The following NLK variants were observed in gnomAD, a reference collection of about 807,000 sequenced individuals.
NLK encodes the protein nemo like kinase, also known as serine/threonine-protein kinase NLK.
In NLK, 11 loss-of-function variants were observed where a neutral mutation model predicts 59.0. That is an observed-to-expected ratio of 0.19 (90% CI 0.12 to 0.31). The LOEUF (loss-of-function observed/expected upper bound fraction) is 0.31. NLK is among the 10% of genes least tolerant of loss of function. NLK has a pLI of 1.00. For missense variants in NLK, 410 were observed against 661.1 expected (o/e 0.62, Z 4.16); for synonymous variants, 235 against 235.9 (o/e 1.00, Z 0.03).
At chr17:28,131,157 C>T (rs1906499317) in intron 2 of NLK, among the ~76,000 whole-genome samples, 1 of 152,004 alleles carries the variant, frequency 6.6e-6, no homozygotes, top group South Asian at 2.1e-4. Context: ...TTGGCTGAAA[C>T]AAGAATAACC....
intron 1 of NLK, among the ~76,000 whole-genome samples, chr17:28,097,494 A>C: frequency 6.6e-6 from 1 of 152,296 alleles, no homozygotes; most frequent in Middle Eastern, 3.4e-3. Context: ...TTGGTTAGGC[A>C]TGGTCCTTGT....
intron 1 of NLK, among the ~76,000 whole-genome samples, chr17:28,064,738 T>C (rs531282586): frequency 1.8e-4 from 27 of 152,314 alleles, no homozygotes; most frequent in Middle Eastern, 3.4e-3. Flanking sequence ...TAAGATAGTC[T>C]ACCTAGATTC....
intron 3 of NLK, among the ~76,000 whole-genome samples, chr17:28,146,290 G>C (rs1011807027): frequency 6.6e-6 from 1 of 152,044 alleles, no homozygotes; most frequent in Non-Finnish European, 1.5e-5. Context: ...AGGAATAAAT[G>C]AATTAATGTA....
At chr17:28,043,369 C>T (rs770321001) in intron 1 of NLK, 38 bp downstream of exon 1, 3 of 1,475,214 alleles carry the variant, frequency 2.0e-6, no homozygotes, top group Admixed American at 2.3e-5. Flanking sequence ...CTCATGGTTT[C>T]TTCTGTTGGT....
At chr17:28,181,768 T>G (rs974859722) in intron 7 of NLK, among the ~76,000 whole-genome samples, 6 of 151,828 alleles carry the variant, frequency 4.0e-5, no homozygotes, top group African/African-American at 1.5e-4. Flanking sequence ...CCCAGCACTT[T>G]GGGAGGCCGA....
chr17:28,093,811 A>G (rs1465539203), intron 1 of NLK, among the ~76,000 whole-genome samples: 5 of 152,188 alleles, frequency 3.3e-5, no homozygotes, highest in East Asian at 3.8e-4. Context: ...GACTCACCAT[A>G]TATTTCATTT....
downstream of NLK, among the ~76,000 whole-genome samples, chr17:28,198,333 C>G (rs548787554): frequency 6.6e-5 from 10 of 151,772 alleles, no homozygotes; most frequent in Non-Finnish European, 1.5e-4. Flanking sequence ...GTCAACTTCA[C>G]TAACTTTTTT....
At chr17:28,048,483 A>G (rs1290271708) in intron 1 of NLK, 4 of 152,218 alleles carry the variant, frequency 2.6e-5, no homozygotes, top group Non-Finnish European at 4.4e-5. Context: ...TTTAGCCATC[A>G]GTACCACTGG....
intron 6 of NLK, among the ~76,000 whole-genome samples, chr17:28,170,571 G>A (rs1908420952): frequency 6.6e-6 from 1 of 152,100 alleles, no homozygotes; most frequent in Non-Finnish European, 1.5e-5. Context: ...CTAATGTTGG[G>A]TACTTTTGAC....
chr17:28,104,499 C>A lies in NLK; in HGVS notation c.459-18104C>A, dbSNP rs187844932. ...TCGAACTCCTGACCTCGTGATCTGT[C>A]CACCTTGGCCACCTAAAGTGCTGGG... On this transcript the variant is annotated intron_variant, in intron 1 of 10. Transcript: ENST00000407008. 2.9e-3 allele frequency among the ~76,000 whole-genome samples: 434 copies of A among 152,222 alleles called. 4 individuals are homozygous for A. Among genetic ancestry groups the A allele is most frequent in the African/African-American group, 1.0e-2 (414 of 41,538 alleles).
intron 1 of NLK, among the ~76,000 whole-genome samples, chr17:28,077,039 T>C (rs1332371330): frequency 2.0e-5 from 3 of 151,742 alleles, no homozygotes; most frequent in Non-Finnish European, 4.4e-5. Flanking sequence ...CCTTTTACTT[T>C]TTCCCTTTCT....
chr17:28,058,893 A>C (rs368730714), intron 1 of NLK, among the ~76,000 whole-genome samples: 1 of 152,192 alleles, frequency 6.6e-6, no homozygotes, highest in East Asian at 1.9e-4. Context: ...TGGGAGGCCA[A>C]GGCAGGTGGA....
intron 1 of NLK, among the ~76,000 whole-genome samples, chr17:28,088,354 G>A (rs1394005750): frequency 6.6e-6 from 1 of 152,142 alleles, no homozygotes. Flanking sequence ...TTGCAAAATG[G>A]TAATAATCTA....
chr17:28,090,504 G>A (rs986042400), intron 1 of NLK, among the ~76,000 whole-genome samples: 3 of 152,028 alleles, frequency 2.0e-5, no homozygotes, highest in Non-Finnish European at 4.4e-5. Context: ...GTCTGCTGGT[G>A]ATAAATTATT....
At chr17:28,055,819 C>T (rs1418396082) in intron 1 of NLK, among the ~76,000 whole-genome samples, 1 of 152,148 alleles carries the variant, frequency 6.6e-6, no homozygotes, top group Non-Finnish European at 1.5e-5. Context: ...TGATGGTTGA[C>T]AGGTATCAGG....
chr17:28,187,991 G>A (rs1909181504), intron 8 of NLK, among the ~76,000 whole-genome samples: 1 of 152,172 alleles, frequency 6.6e-6, no homozygotes, highest in South Asian at 2.1e-4. Context: ...AGAATCTCCT[G>A]AGCCCAGGAG....
chr17:28,132,640 A>T lies in NLK; in HGVS notation c.609A>T (p.Ile203=). The change falls in exon 3 of 11, where the codon ATA becomes ATT. Residue 203 remains isoleucine (I), a synonymous_variant. Coordinates refer to ENST00000407008, the MANE Select transcript of NLK (RefSeq NM_016231.5). The stretch of plus-strand genomic sequence containing the variant: ...CTCAGGTACTCTCTGCCCTTGACAT[A>T]CTCCAACCTCCACACATTGACTATT... The part of the protein sequence containing the change: ...KHDNVLSALD[I]LQPPHIDYFE... 1 of 1,610,546 alleles carries T rather than the reference A, an allele frequency of 6.2e-7. No individual in the cohort carries two copies. Among genetic ancestry groups the T allele is most frequent in the Non-Finnish European group, 8.5e-7 (1 of 1,178,308 alleles).
chr17:28,182,283 T>C (rs1474989769), intron 7 of NLK, among the ~76,000 whole-genome samples: 2 of 152,190 alleles, frequency 1.3e-5, no homozygotes, highest in Non-Finnish European at 2.9e-5. Flanking sequence ...TTGTTGTTTG[T>C]TTGGTTTTTT....
chr17:28,201,248 T>C (rs943827384), downstream of NLK, among the ~76,000 whole-genome samples: 3 of 152,036 alleles, frequency 2.0e-5, no homozygotes, highest in Non-Finnish European at 4.4e-5. Flanking sequence ...ACCCAGCTAA[T>C]TTTTGTATTT....
Sources: gnomAD v4.1 joint callset for allele counts (sites outside exome capture counted in the v4.1 genomes callset) on GRCh38, gnomAD v4.1.1 for gene constraint, MANE v1.5 for transcripts, NCBI Gene and HGNC (gene_info 2026-07-23, HGNC 2026-07-21) for gene names.